NPEPPS: variants seen among roughly 807,000 people sequenced by gnomAD.
NPEPPS encodes the protein aminopeptidase puromycin sensitive.
Under a neutral mutation model 115.5 loss-of-function variants are expected in NPEPPS, and 14 were observed. That is an observed-to-expected ratio of 0.12 (90% CI 0.08 to 0.19). NPEPPS has a LOEUF of 0.19. Among genes scored for constraint, NPEPPS ranks in the 10% least tolerant of loss-of-function variants. The pLI, the probability that NPEPPS is intolerant of heterozygous loss-of-function variation, is 1.00. For missense variants in NPEPPS, 523 were observed against 1,110.8 expected (o/e 0.47, Z 7.52); for synonymous variants, 285 against 390.6 (o/e 0.73, Z 3.19).
At chr17:47,571,583 T>A (rs1157378034) in intron 3 of NPEPPS, among the ~76,000 whole-genome samples, 1 of 152,018 alleles carries the variant, frequency 6.6e-6, no homozygotes, top group Non-Finnish European at 1.5e-5. Context: ...CTGGGAATGG[T>A]GGCAGGTGCC....
At chr17:47,534,443 G>C (rs538423950) in intron 1 of NPEPPS, among the ~76,000 whole-genome samples, 1 of 152,308 alleles carries the variant, frequency 6.6e-6, no homozygotes, top group East Asian at 1.9e-4. Context: ...CTAACAGTTG[G>C]AATCACATAA....
At chr17:47,612,247 T>C (rs1913916011) in intron 17 of NPEPPS, among the ~76,000 whole-genome samples, 1 of 152,236 alleles carries the variant, frequency 6.6e-6, no homozygotes, top group African/African-American at 2.4e-5. Flanking sequence ...GTAGATAAAG[T>C]CAGCAACTTT....
intron 1 of NPEPPS, among the ~76,000 whole-genome samples, chr17:47,535,957 C>T (rs1351821569): frequency 6.6e-6 from 1 of 151,308 alleles, no homozygotes; most frequent in African/African-American, 2.4e-5. Context: ...CTGCCTCAGC[C>T]TCCTGAGTAG....
At chr17:47,599,547 C>G in intron 13 of NPEPPS, 129 bp from the exon 14 acceptor site, 1 of 691,200 alleles carries the variant, frequency 1.4e-6, no homozygotes, top group Middle Eastern at 2.4e-4. Context: ...ATTTTGTATA[C>G]TCATGAGACA....
intron 2 of NPEPPS, among the ~76,000 whole-genome samples, chr17:47,550,429 T>C (rs1269554697): frequency 6.6e-6 from 1 of 150,644 alleles, no homozygotes; most frequent in Non-Finnish European, 1.5e-5. Context: ...TTACTTTTTT[T>C]TTTTTTGTTT....
In NPEPPS at chr17:47,588,399, T is replaced by TA. The variant is rs962080883; in HGVS notation, c.1095+1063dup. Among the ~76,000 whole-genome samples, 25 of 151,194 alleles carry TA rather than the reference T, an allele frequency of 1.7e-4. No individual in the cohort carries two copies. The East Asian group carries it at 2.5e-3, about 15-fold the overall frequency. ...CAATGTTGCGAAACCCCATCTCCAC[T>TA]AAAAAAAATAGAAAATTAGCTGGGC... On this transcript the variant is annotated intron_variant, in intron 9 of 22. Transcript: ENST00000322157.
rs1207724392 is a variant in NPEPPS at position 47,596,387 on chromosome 17, T to G, written c.1461T>G (p.Gly487=). 1.3e-6 allele frequency: 2 copies of G among 1,595,480 alleles called. No homozygotes were observed. The highest frequency in any genetic ancestry group is 1.7e-6 in the Non-Finnish European group (2 of 1,170,254). Reference sequence around the variant, plus strand: ...GGGAAAGTTTAGAAAATGCTAGTGGTAAACCTATAGCAGCTGTGATGAATA... The same window carrying G: ...GGGAAAGTTTAGAAAATGCTAGTGGGAAACCTATAGCAGCTGTGATGAATA... The part of the protein sequence containing the change: ...DLWESLENAS[G]KPIAAVMNTW... Residue 487 remains glycine (G), a synonymous_variant, in exon 13 of 23, where the codon GGT becomes GGG. Transcript: ENST00000322157.
chr17:47,532,285 C>T (rs1421669708), intron 1 of NPEPPS, among the ~76,000 whole-genome samples: 1 of 152,126 alleles, frequency 6.6e-6, no homozygotes, highest in African/African-American at 2.4e-5. Flanking sequence ...GCTTTTCCAC[C>T]TATCTTCCTA....
intron 19 of NPEPPS, among the ~76,000 whole-genome samples, chr17:47,615,468 G>A (rs1410646355): frequency 6.6e-6 from 1 of 152,104 alleles, no homozygotes; most frequent in Non-Finnish European, 1.5e-5. Context: ...GAGGCAGGAG[G>A]AGCGCTTGAG....
intron 2 of NPEPPS, among the ~76,000 whole-genome samples, chr17:47,549,848 G>A (rs1909509882): frequency 6.8e-6 from 1 of 147,142 alleles, no homozygotes; most frequent in African/African-American, 2.5e-5. Flanking sequence ...ACATGTATGT[G>A]TATATATATA....
chr17:47,552,933 T>C (rs1342264829), intron 2 of NPEPPS, among the ~76,000 whole-genome samples: 1 of 152,150 alleles, frequency 6.6e-6, no homozygotes, highest in African/African-American at 2.4e-5. Context: ...CTGATAAATG[T>C]TAGAGCCAGG....
rs1907744356 is a variant in NPEPPS at position 47,531,328 on chromosome 17, C to T, written c.28C>T (p.Leu10Phe). 1 of 1,492,274 alleles carries T rather than the reference C, an allele frequency of 6.7e-7. No individual in the cohort carries two copies. The highest frequency in any genetic ancestry group is 1.4e-5 in the African/African-American group (1 of 71,296). The allele number at this position is 1,492,274 out of a possible 1,614,324, so 92.4% of individuals were successfully genotyped here. ...GTGGCTGGCAGCTGCCGCCCCCTCCCTCGCTCGCCGCCTGCTCTTCCTCGG... is the reference window on the plus strand; with the variant it reads ...GTGGCTGGCAGCTGCCGCCCCCTCCTTCGCTCGCCGCCTGCTCTTCCTCGG... MWLAAAAPS[L>F]ARRLLFLGPP... is the part of the protein sequence containing the mutation. The change falls in exon 1 of 23, where the codon CTC becomes TTC. Residue 10 changes from leucine to phenylalanine, a missense_variant. By Grantham distance (22) the Leu-to-Phe change is conservative. Transcript: ENST00000322157.
intron 2 of NPEPPS, among the ~76,000 whole-genome samples, chr17:47,555,543 A>G (rs1026818642): frequency 2.0e-5 from 3 of 151,048 alleles, no homozygotes; most frequent in Admixed American, 6.7e-5. Flanking sequence ...GATGGAGTTT[A>G]TCCATGTTGG....
intron 4 of NPEPPS, chr17:47,582,015 C>G (rs1233944880): frequency 6.6e-6 from 1 of 152,176 alleles, no homozygotes; most frequent in Non-Finnish European, 1.5e-5. Flanking sequence ...TTTTATAATA[C>G]AGAATCTTGT....
chr17:47,526,674 T>C (rs996200043), upstream of NPEPPS, among the ~76,000 whole-genome samples: 3 of 151,874 alleles, frequency 2.0e-5, no homozygotes, highest in African/African-American at 4.8e-5. Flanking sequence ...ACTGGAGAGT[T>C]AGGGCCAGGC....
chr17:47,619,064 G>C lies in NPEPPS; in HGVS notation c.2459G>C (p.Ser820Thr). The C allele has an allele frequency of 6.2e-7, 1 of 1,613,884 alleles. No individual in the cohort carries two copies. Among genetic ancestry groups the C allele is most frequent in the Non-Finnish European group, 8.5e-7 (1 of 1,179,808 alleles). ...GTAATTGGTGGAGTAGCTGGAGGCA[G>C]CAAGCATGGTAGGAAAGCTGCTTGG... The part of the protein sequence containing the change: ...VSVIGGVAGG[S>T]KHGRKAAWKF... The change falls in exon 21 of 23, where the codon AGC (serine) becomes ACC (threonine). Residue 820 changes from serine to threonine, a missense_variant. By Grantham distance (58) the Ser-to-Thr change is moderately conservative (BLOSUM62 1). Transcript: ENST00000322157.
chr17:47,613,531 T>G, intron 18 of NPEPPS, 138 bp from the exon 19 acceptor site: 1 of 649,634 alleles, frequency 1.5e-6, no homozygotes, highest in Non-Finnish European at 2.6e-6. Context: ...CCTCCCAAAG[T>G]GCAGGGATTA....
chr17:47,547,652 C>T (rs1909313968), intron 2 of NPEPPS, among the ~76,000 whole-genome samples: 6 of 152,162 alleles, frequency 3.9e-5, no homozygotes, highest in Admixed American at 3.9e-4. Context: ...GCCACCACAC[C>T]TGGTTGCCTT....
In NPEPPS at chr17:47,582,916, G is replaced by A. The variant is rs1473181836; in HGVS notation, c.648+67G>A. 9 of 593,214 alleles carry A rather than the reference G, an allele frequency of 1.5e-5. No homozygotes were observed. The East Asian group carries it at 2.2e-4, about 15-fold the overall frequency. The allele number at this position is 593,214 out of a possible 1,614,324, so 36.7% of individuals were successfully genotyped here. ...TTTAGCAGATTTAGTTTGCTGATTA[G>A]ATGGGATAATATGAAACCACCTACC... On this transcript the variant is annotated intron_variant, in intron 5 of 22. Coordinates refer to ENST00000322157, the MANE Select transcript of NPEPPS (RefSeq NM_006310.4).
Sources: gnomAD v4.1 joint callset for allele counts (sites outside exome capture counted in the v4.1 genomes callset) on GRCh38, gnomAD v4.1.1 for gene constraint, MANE v1.5 for transcripts, NCBI Gene and HGNC (gene_info 2026-07-23, HGNC 2026-07-21) for gene names.